KDM4B: variants seen among roughly 807,000 people sequenced by gnomAD.
KDM4B encodes lysine-specific demethylase 4B.
Under a neutral mutation model 125.2 loss-of-function variants are expected in KDM4B, and 32 were observed. That is an observed-to-expected ratio of 0.26 (90% CI 0.19 to 0.34). KDM4B has a LOEUF of 0.34. Among genes scored for constraint, KDM4B ranks in the 10% least tolerant of loss-of-function variants. KDM4B has a pLI of 1.00. For synonymous variants in KDM4B, 721 were observed against 677.9 expected, an observed-to-expected ratio of 1.06 and a Z score of -0.99; for missense variants, 1,190 against 1,577.7, an observed-to-expected ratio of 0.75 and a Z score of 4.16.
At chr19:4,999,671 A>G (rs1280417118) in intron 1 of KDM4B, among the ~76,000 whole-genome samples, 4 of 151,982 alleles carry the variant, frequency 2.6e-5, no homozygotes, top group Non-Finnish European at 1.5e-5. Flanking sequence ...GCATCCATCT[A>G]TCCACCCACC....
rs767194661 is a variant in KDM4B at position 5,134,003 on chromosome 19, C to T, written c.2027C>T (p.Ala676Val). Residue 676 changes from alanine (A) to valine (V), a missense_variant, in exon 14 of 23, where the codon GCG becomes GTG. Coordinates refer to ENST00000159111, the MANE Select transcript of KDM4B (RefSeq NM_015015.3). ...SFQAERKFNA[A>V]AARTEPYCAI... The stretch of plus-strand genomic sequence containing the variant: ...CAGGCCGAGAGGAAGTTCAACGCAG[C>T]GGCTGCGCGCACGGAGCCCTACTGC... The T allele has an allele frequency of 9.3e-6, 15 of 1,611,356 alleles. No individual in the cohort carries two copies. Among genetic ancestry groups the T allele is most frequent in the East Asian group, 2.2e-5 (1 of 44,868 alleles).
At chr19:5,065,361 C>T (rs964280295) in intron 6 of KDM4B, among the ~76,000 whole-genome samples, 2 of 152,272 alleles carry the variant, frequency 1.3e-5, no homozygotes, top group African/African-American at 4.8e-5. Context: ...CTGACACACT[C>T]ATTTAATTTT....
rs547964559 is a variant in KDM4B, at chr19:4,987,717, G to A, written c.-109+18487G>A. Among the ~76,000 whole-genome samples the A allele has an allele frequency of 1.2e-4, 19 of 152,280 alleles. No individual in the cohort carries two copies. In the East Asian group the frequency reaches 1.7e-3, roughly 14 times the overall value. ...TGGGATGATGGGCGTGAGCCACTGC[G>A]CCCGGCCAGTATATGTGTTTTAAAG... On this transcript the variant is annotated intron_variant, in intron 1 of 22. Coordinates refer to ENST00000159111, the MANE Select transcript of KDM4B (RefSeq NM_015015.3).
intron 1 of KDM4B, among the ~76,000 whole-genome samples, chr19:5,003,300 C>T (rs1427800306): frequency 6.6e-6 from 1 of 151,994 alleles, no homozygotes; most frequent in Non-Finnish European, 1.5e-5. Flanking sequence ...ACCAGCCTGA[C>T]TAACATGGAG....
chr19:4,996,374 GTTTTAT>G (rs1442176252), intron 1 of KDM4B, among the ~76,000 whole-genome samples: 1 of 151,966 alleles, frequency 6.6e-6, no homozygotes, highest in Admixed American at 6.6e-5. Context: ...GTGTGTGCCT[GTTTTAT>G]TTTTATGTTT....
At chr19:4,984,355 G>A (rs968366442) in intron 1 of KDM4B, among the ~76,000 whole-genome samples, 5 of 152,198 alleles carry the variant, frequency 3.3e-5, no homozygotes, top group African/African-American at 9.7e-5. Flanking sequence ...GCTGCTCTTC[G>A]TGTTTGTGCT....
chr19:5,043,576 T>G (rs1194501122), intron 5 of KDM4B, among the ~76,000 whole-genome samples: 1 of 142,802 alleles, frequency 7.0e-6, no homozygotes, highest in Non-Finnish European at 1.5e-5. Flanking sequence ...TCCTGTGTGG[T>G]GTTTATCAGA....
intron 3 of KDM4B, 39 bp downstream of exon 3, chr19:5,033,070 C>A: frequency 1.9e-6 from 3 of 1,602,330 alleles, no homozygotes; most frequent in Non-Finnish European, 2.6e-6. Context: ...CCTCCATCAG[C>A]CTGCGCCGCG....
At chr19:5,013,331 CAG>C (rs929713333) in intron 1 of KDM4B, among the ~76,000 whole-genome samples, 10 of 152,206 alleles carry the variant, frequency 6.6e-5, no homozygotes, top group African/African-American at 2.2e-4. Context: ...CAGCAGGTCA[CAG>C]GGGAGAGGCC....
intron 3 of KDM4B, 80 bp from the exon 4 acceptor site, chr19:5,039,756 G>GCC: frequency 1.4e-6 from 2 of 1,478,768 alleles, no homozygotes; most frequent in Admixed American, 1.8e-5. Flanking sequence ...CTGGTCTCTG[G>GCC]GGAGCCGGTG....
intron 21 of KDM4B, among the ~76,000 whole-genome samples, chr19:5,149,526 CT>C (rs892825330): frequency 6.6e-6 from 1 of 152,216 alleles, no homozygotes; most frequent in African/African-American, 2.4e-5. Context: ...CCTTCTCCCC[CT>C]GGAGCAGAAC....
rs956555792 is a variant in KDM4B, at chr19:5,151,567, G to A, written c.*56G>A. ...CGGCGGGGAGGCCATGGCATGCCCCGGGCGTTCGCTTGCTGTGAATTCCTG... is the reference window on the plus strand; with the variant it reads ...CGGCGGGGAGGCCATGGCATGCCCCAGGCGTTCGCTTGCTGTGAATTCCTG... On this transcript the variant is annotated 3_prime_UTR_variant, in exon 23 of 23. Coordinates refer to ENST00000159111, the MANE Select transcript of KDM4B (RefSeq NM_015015.3). 16 of 1,271,928 alleles carry A rather than the reference G, an allele frequency of 1.3e-5. No homozygotes were observed. Among genetic ancestry groups the A allele is most frequent in the East Asian group, 6.3e-5 (2 of 31,824 alleles). The allele number at this position is 1,271,928 out of a possible 1,614,324, so 78.8% of individuals were successfully genotyped here.
At chr19:5,100,093 G>C (rs1172659818) in intron 9 of KDM4B, among the ~76,000 whole-genome samples, 1 of 152,160 alleles carries the variant, frequency 6.6e-6, no homozygotes, top group Admixed American at 6.5e-5. Flanking sequence ...CCTCATCCTT[G>C]GTGTGGGACC....
chr19:5,136,458 C>T (rs1275964243), intron 15 of KDM4B, among the ~76,000 whole-genome samples: 5 of 152,204 alleles, frequency 3.3e-5, no homozygotes, highest in Non-Finnish European at 5.9e-5. Flanking sequence ...TTCCTCCTGG[C>T]GGTGGCCTGC....
rs1487583288 is a variant in KDM4B, at chr19:4,994,021, T to G, written c.-108-22236T>G. On this transcript the variant is annotated intron_variant, in intron 1 of 22. Transcript: ENST00000159111. ...GTTTAATTTTTATATTTTCAGCCTG[T>G]TTTTTTTTTTTTTTTTTTTTTGTTA... Among the ~76,000 whole-genome samples, 4 of 22,274 alleles carry G rather than the reference T, an allele frequency of 1.8e-4. No individual in the cohort carries two copies. In the East Asian group the frequency reaches 9.1e-3, roughly 51 times the overall value. The allele number at this position is 22,274 out of a possible 152,430, so 14.6% of individuals were successfully genotyped here.
intron 6 of KDM4B, among the ~76,000 whole-genome samples, chr19:5,059,058 G>T (rs1191250885): frequency 6.6e-6 from 1 of 152,216 alleles, no homozygotes; most frequent in East Asian, 1.9e-4. Context: ...TGCAGCCGGC[G>T]AGGCTGGCCC....
At chr19:5,109,216 G>GT (rs1280909754) in intron 9 of KDM4B, among the ~76,000 whole-genome samples, 1 of 152,190 alleles carries the variant, frequency 6.6e-6, no homozygotes, top group African/African-American at 2.4e-5. Context: ...TGAGGTTGGG[G>GT]TTTTTCCAGC....
intron 14 of KDM4B, 85 bp from the exon 15 acceptor site, chr19:5,135,254 G>A: frequency 5.7e-6 from 5 of 878,352 alleles, no homozygotes; most frequent in Non-Finnish European, 9.0e-6. Flanking sequence ...GAAGCCTGGG[G>A]CAGGTGCCCT....
At chr19:5,075,377 G>T (rs917283525) in intron 7 of KDM4B, 4 of 152,342 alleles carry the variant, frequency 2.6e-5, no homozygotes, top group African/African-American at 9.6e-5. Context: ...GGAAGCCGGG[G>T]CATCCTTACC....
Sources: allele counts gnomAD v4.1 joint callset (sites outside exome capture counted in the v4.1 genomes callset), GRCh38; gene constraint gnomAD v4.1.1; transcripts MANE v1.5; gene names NCBI Gene and HGNC (gene_info 2026-07-23, HGNC 2026-07-21).